The following DTD1 variants were observed in gnomAD, a reference collection of about 807,000 sequenced individuals.
DTD1 encodes the protein D-tyrosyl-tRNA deacylase 1 homolog.
In DTD1, 13 loss-of-function variants were observed where a neutral mutation model predicts 25.6. The observed-to-expected ratio is 0.51, with a 90% CI of 0.33 to 0.81. The LOEUF is 0.81. Among genes scored for constraint, DTD1 ranks in the 30% least tolerant of loss-of-function variants. The probability of loss-of-function intolerance (pLI) is 0.02; values close to 1 mark genes in which losing one functional copy is unlikely to be tolerated. For synonymous variants in DTD1, 110 were observed against 103.6 expected (o/e 1.06, Z -0.37); for missense variants, 193 against 266.4 (o/e 0.72, Z 1.92).
chr20:18,637,337 C>T lies in DTD1; in HGVS notation c.477+9104C>T, dbSNP rs80191264. On this transcript the variant is annotated intron_variant, in intron 4 of 5. Transcript: ENST00000377452. The stretch of plus-strand genomic sequence containing the variant: ...TTTCCAGAATATGGTGCCTTCTCAA[C>T]GCAATTACAGATGTGTCAGGGAAAA... Among the ~76,000 whole-genome samples the T allele has an allele frequency of 5.4e-3, 824 of 152,268 alleles. 6 individuals are homozygous for T. Among genetic ancestry groups the T allele is most frequent in the Non-Finnish European group, 6.5e-3 (442 of 68,026 alleles).
intron 4 of DTD1, among the ~76,000 whole-genome samples, chr20:18,633,642 C>T (rs978911398): frequency 6.6e-6 from 1 of 152,158 alleles, no homozygotes; most frequent in Non-Finnish European, 1.5e-5. Flanking sequence ...GCCTCTCAGC[C>T]GAGTGGGCCT....
At chr20:18,716,890 ATTTTC>A (rs2061183173) in intron 4 of DTD1, among the ~76,000 whole-genome samples, 1 of 151,904 alleles carries the variant, frequency 6.6e-6, no homozygotes, top group Non-Finnish European at 1.5e-5. Context: ...GGCTTCATGA[ATTTTC>A]TTTTTTTTTT....
At chr20:18,680,811 C>G (rs2060993982) in intron 4 of DTD1, among the ~76,000 whole-genome samples, 1 of 152,128 alleles carries the variant, frequency 6.6e-6, no homozygotes, top group Non-Finnish European at 1.5e-5. Flanking sequence ...ATAAAGCCAG[C>G]TCAGAGTAGA....
Position 18,607,777 on chromosome 20 carries a change from G to A in DTD1, c.370+11536G>A, listed in dbSNP as rs562412365. ...CACTCAGGCTGGAGTGCAGTGACACGATCTCAGCTCACTGCACCCTCTGCC... is the reference window on the plus strand; with the variant it reads ...CACTCAGGCTGGAGTGCAGTGACACAATCTCAGCTCACTGCACCCTCTGCC... On this transcript the variant is annotated intron_variant, in intron 3 of 5. Coordinates refer to ENST00000377452, the MANE Select transcript of DTD1 (RefSeq NM_080820.6). 2.6e-5 allele frequency among the ~76,000 whole-genome samples: 4 copies of A among 151,434 alleles called. No homozygotes were observed. In the South Asian group the frequency reaches 8.3e-4, roughly 32 times the overall value.
At chr20:18,695,943 G>A (rs907376911) in intron 4 of DTD1, among the ~76,000 whole-genome samples, 2 of 152,058 alleles carry the variant, frequency 1.3e-5, no homozygotes, top group African/African-American at 2.4e-5. Flanking sequence ...CCCTCAAAGC[G>A]CTGGGATTAT....
chr20:18,607,712 C>G (rs576982075), intron 3 of DTD1, among the ~76,000 whole-genome samples: 1 of 151,708 alleles, frequency 6.6e-6, no homozygotes, highest in South Asian at 2.1e-4. Flanking sequence ...TTTTCTTCTT[C>G]TTTCTTTCTT....
At chr20:18,599,565 A>G (rs2060625311) in intron 3 of DTD1, among the ~76,000 whole-genome samples, 1 of 152,218 alleles carries the variant, frequency 6.6e-6, no homozygotes, top group African/African-American at 2.4e-5. Flanking sequence ...GGACTTAATA[A>G]GAGTATGTTT....
intron 3 of DTD1, among the ~76,000 whole-genome samples, chr20:18,624,839 G>A (rs1008973153): frequency 8.5e-5 from 13 of 152,316 alleles, no homozygotes; most frequent in African/African-American, 3.1e-4. Context: ...ACCTCAGGAT[G>A]TAGGCATAGT....
At chr20:18,753,064 C>T (rs1187732982) in intron 5 of DTD1, among the ~76,000 whole-genome samples, 1 of 152,176 alleles carries the variant, frequency 6.6e-6, no homozygotes, top group Non-Finnish European at 1.5e-5. Context: ...GCCAGGCTTA[C>T]AAATAATTTA....
intron 4 of DTD1, among the ~76,000 whole-genome samples, chr20:18,678,521 G>A (rs903247422): frequency 2.6e-5 from 4 of 152,064 alleles, no homozygotes; most frequent in East Asian, 1.9e-4. Context: ...TTTGAAACTC[G>A]ATTGCAGGTG....
intron 5 of DTD1, among the ~76,000 whole-genome samples, chr20:18,759,978 A>G (rs1459908183): frequency 1.3e-5 from 2 of 151,950 alleles, no homozygotes; most frequent in Non-Finnish European, 2.9e-5. Flanking sequence ...GCTTCATTTC[A>G]TTCATTTGAT....
chr20:18,625,743 G>A (rs959167625), intron 3 of DTD1, among the ~76,000 whole-genome samples: 2 of 152,256 alleles, frequency 1.3e-5, no homozygotes, highest in African/African-American at 4.8e-5. Flanking sequence ...ATCAGTAACA[G>A]CCTCCTGCCT....
rs574125852 is a variant in DTD1 at position 18,618,146 on chromosome 20, G to A, written c.371-9981G>A. On this transcript the variant is annotated intron_variant, in intron 3 of 5. Coordinates refer to ENST00000377452, the MANE Select transcript of DTD1 (RefSeq NM_080820.6). Reference sequence around the variant, plus strand: ...TGCCAGATGGCCGTTTGTAGGCACCGCACCTTTCTGCAGTGTGAGACTACC... The same window carrying A: ...TGCCAGATGGCCGTTTGTAGGCACCACACCTTTCTGCAGTGTGAGACTACC... Among the ~76,000 whole-genome samples, 6 of 152,280 alleles carry A rather than the reference G, an allele frequency of 3.9e-5. No homozygotes were observed. In the East Asian group the frequency reaches 7.7e-4, roughly 20 times the overall value.
intron 4 of DTD1, among the ~76,000 whole-genome samples, chr20:18,638,474 G>A (rs901834047): frequency 3.9e-5 from 6 of 152,180 alleles, no homozygotes; most frequent in African/African-American, 1.2e-4. Flanking sequence ...AGGTGCAAGC[G>A]CTAGGGAAGG....
chr20:18,662,266 A>G (rs138508146), intron 4 of DTD1, among the ~76,000 whole-genome samples: 20 of 152,260 alleles, frequency 1.3e-4, no homozygotes, highest in African/African-American at 4.6e-4. Flanking sequence ...CAATAATACT[A>G]GCAATTTTTG....
intron 4 of DTD1, among the ~76,000 whole-genome samples, chr20:18,735,163 T>G (rs1374312666): frequency 6.6e-6 from 1 of 152,266 alleles, no homozygotes; most frequent in Non-Finnish European, 1.5e-5. Flanking sequence ...AAAATCATAG[T>G]AACTGACTTT....
At chr20:18,660,586 G>C (rs937566579) in intron 4 of DTD1, among the ~76,000 whole-genome samples, 7 of 151,958 alleles carry the variant, frequency 4.6e-5, no homozygotes, top group East Asian at 1.9e-4. Context: ...AAACAAAAAG[G>C]CTTTTTATTA....
intron 4 of DTD1, among the ~76,000 whole-genome samples, chr20:18,716,061 C>G (rs1323864178): frequency 1.3e-5 from 2 of 152,160 alleles, no homozygotes; most frequent in African/African-American, 4.8e-5. Flanking sequence ...CTAGAAGCTT[C>G]AAACTGCTTT....
chr20:18,670,317 A>G (rs1257952250), intron 4 of DTD1, among the ~76,000 whole-genome samples: 2 of 152,152 alleles, frequency 1.3e-5, no homozygotes, highest in East Asian at 1.9e-4. Flanking sequence ...TTAGCTGGGT[A>G]TGGTAGTGCA....
Sources: allele counts gnomAD v4.1 joint callset (sites outside exome capture counted in the v4.1 genomes callset), GRCh38; gene constraint gnomAD v4.1.1; transcripts MANE v1.5; gene names NCBI Gene and HGNC (gene_info 2026-07-23, HGNC 2026-07-21).